The following ARFGAP1 variants were observed in gnomAD, a reference collection of about 807,000 sequenced individuals.
ARFGAP1 encodes the protein ARF GTPase activating protein 1.
A neutral mutation model predicts 54.0 loss-of-function variants in ARFGAP1; 26 were observed. The ratio of observed to expected loss-of-function variants is 0.48; its 90% CI spans 0.35 to 0.67. The LOEUF is 0.67. ARFGAP1 is among the 30% of genes least tolerant of loss of function. ARFGAP1 has a pLI of 0.00. For synonymous variants in ARFGAP1, 248 were observed against 211.9 expected, an observed-to-expected ratio of 1.17 and a Z score of -1.48; for missense variants, 525 against 535.8, an observed-to-expected ratio of 0.98 and a Z score of 0.20.
chr20:63,288,634 G>A lies in ARFGAP1; in HGVS notation c.*761G>A. The A allele has an allele frequency of 2.5e-6, 1 of 406,226 alleles. No homozygotes were observed. The highest frequency in any genetic ancestry group is 5.0e-6 in the Non-Finnish European group (1 of 200,226). 25.2% of individuals were successfully genotyped at this position (406,226 alleles called of 1,614,324 possible). A position where few individuals can be genotyped will look rare whatever the true frequency, so the allele number is the denominator to read the frequency against. ...GTGGGCCCTCGGCCCTGATGCAGGA[G>A]GGTGCGATAGCGGACGTGGCCAGGC... On this transcript the variant is annotated 3_prime_UTR_variant, in exon 13 of 13. Transcript: ENST00000370283.
At position 63,278,796 on chromosome 20, in the gene ARFGAP1, C is replaced by T. The variant is rs554367451; in HGVS notation, c.531-103C>T. ...TGTCCTGTGCGTGGGGACGTTGGCA[C>T]GTCCCCCAGAGCCCCAGCCTTGCCT... On this transcript the variant is annotated intron_variant, in intron 6 of 12. Transcript: ENST00000370283. The T allele has an allele frequency of 4.2e-5, 44 of 1,048,904 alleles. No homozygotes were observed. The East Asian group carries it at 4.7e-4, about 11-fold the overall frequency. The allele number at this position is 1,048,904 out of a possible 1,614,324, so 65.0% of individuals were successfully genotyped here. A position where few individuals can be genotyped will look rare whatever the true frequency, so the allele number is the denominator to read the frequency against.
chr20:63,285,911 C>A, intron 11 of ARFGAP1, 198 bp downstream of exon 11: 1 of 1,459,028 alleles, frequency 6.9e-7, no homozygotes, highest in South Asian at 1.3e-5. Flanking sequence ...GCGGCCCGGT[C>A]AGCCACTAAC....
At position 63,287,738 on chromosome 20, in the gene ARFGAP1, C is replaced by T. The variant is rs753040338; in HGVS notation, c.1086C>T (p.Asp362=). ...ADTSTERRSS[D]SWEVWGSAST... ...CCTCCACCGAGAGGAGGAGCTCGGACAGCTGGGAGGTGTGGGGCTCGGCCT... is the reference window on the plus strand; with the variant it reads ...CCTCCACCGAGAGGAGGAGCTCGGATAGCTGGGAGGTGTGGGGCTCGGCCT... The change falls in exon 13 of 13, where the codon GAC becomes GAT. Residue 362 remains aspartate, a synonymous_variant. Transcript: ENST00000370283. The T allele has an allele frequency of 2.5e-6, 4 of 1,610,950 alleles. No individual in the cohort carries two copies. Among genetic ancestry groups the T allele is most frequent in the African/African-American group, 2.7e-5 (2 of 74,824 alleles).
chr20:63,274,506 A>G (rs914034162), intron 1 of ARFGAP1, among the ~76,000 whole-genome samples: 2 of 152,080 alleles, frequency 1.3e-5, no homozygotes, highest in Non-Finnish European at 2.9e-5. Context: ...TCAGCAGTAC[A>G]CACGTGTGTA....
chr20:63,280,112 G>A (rs377118491), intron 7 of ARFGAP1, among the ~76,000 whole-genome samples: 5 of 151,936 alleles, frequency 3.3e-5, no homozygotes, highest in East Asian at 1.9e-4. Context: ...ATTGCACTCC[G>A]ACCTGGGCGA....
chr20:63,279,972 C>T (rs1287235127), intron 7 of ARFGAP1, among the ~76,000 whole-genome samples: 4 of 152,234 alleles, frequency 2.6e-5, no homozygotes, highest in East Asian at 3.9e-4. Flanking sequence ...AACCCCGTCT[C>T]TACTAAAAAA....
chr20:63,288,476 C>T lies in ARFGAP1; in HGVS notation c.*603C>T, dbSNP rs1209130503. 1.5e-5 allele frequency: 7 copies of T among 455,964 alleles called. No individual in the cohort carries two copies. The highest frequency in any genetic ancestry group is 2.6e-5 in the Non-Finnish European group (6 of 226,796). The allele number at this position is 455,964 out of a possible 1,614,324, so 28.2% of individuals were successfully genotyped here. The stretch of plus-strand genomic sequence containing the variant: ...GTAACCCTCTGTGGCTCCCCTGCAT[C>T]AGCACCGTCCCACCACCAAGTTCAC... On this transcript the variant is annotated 3_prime_UTR_variant, in exon 13 of 13. Coordinates refer to ENST00000370283, the MANE Select transcript of ARFGAP1 (RefSeq NM_018209.4).
chr20:63,278,117 A>G lies in ARFGAP1; in HGVS notation c.444A>G (p.Arg148=), dbSNP rs1185256708. ...ACCAGCCTTCGATTCTCGGTTTCAG[A>G]GTCTCTGGCCAGCCGCAGAGTGTGA... ...QPRTLPSMVH[R]VSGQPQSVTA... is the part of the protein sequence containing the mutation. Residue 148 remains arginine (R), a splice_region_variant and synonymous_variant, in exon 6 of 13, where the codon CGA becomes CGG. Transcript: ENST00000370283. 1.9e-6 allele frequency: 3 copies of G among 1,613,380 alleles called. No homozygotes were observed. Among genetic ancestry groups the G allele is most frequent in the Non-Finnish European group, 2.5e-6 (3 of 1,179,842 alleles).
intron 6 of ARFGAP1, 109 bp downstream of exon 6, chr20:63,278,312 C>A (rs901950603): frequency 8.0e-6 from 9 of 1,131,736 alleles, no homozygotes; most frequent in Non-Finnish European, 1.2e-5. Flanking sequence ...GGGTGTGGGA[C>A]CCAGGCATGC....
At chr20:63,285,198 C>A (rs1370654240) in intron 10 of ARFGAP1, among the ~76,000 whole-genome samples, 3 of 151,782 alleles carry the variant, frequency 2.0e-5, no homozygotes, top group Non-Finnish European at 4.4e-5. Context: ...CTACAGCTGG[C>A]CCCAGAGCCC....
At chr20:63,274,836 G>A (rs6090339) in intron 1 of ARFGAP1, among the ~76,000 whole-genome samples, 9,734 of 152,252 alleles carry the variant, frequency 0.064, 357 homozygotes, top group Middle Eastern at 0.099. Context: ...GTACTTTGCT[G>A]AAGCTAGGAG....
Position 63,277,277 on chromosome 20 carries a change from C to T in ARFGAP1, c.415C>T (p.Pro139Ser), listed in dbSNP as rs759967442. The T allele has an allele frequency of 1.4e-5, 22 of 1,612,914 alleles. No individual in the cohort carries two copies. The South Asian group carries it at 2.4e-4, about 18-fold the overall frequency. ...TGCCCAGAACTGGACCCCACCTCAG[C>T]CCAGGACGCTGCCGTCCATGGTGCA... is the stretch of plus-strand genomic sequence containing the variant. The part of the protein sequence containing the change: ...SPAQNWTPPQ[P>S]RTLPSMVHRV... Residue 139 changes from proline (P) to serine (S), a missense_variant, in exon 5 of 13, where the codon CCC (proline) becomes TCC (serine). Pro to Ser is a moderately conservative substitution (Grantham distance 74). Around this residue, in one of 3 missense-constraint regions of ARFGAP1, gnomAD observed 466 missense variants for 453.6 expected, o/e 1.03. Transcript: ENST00000370283.
intron 9 of ARFGAP1, 160 bp downstream of exon 9, chr20:63,283,011 C>T: frequency 1.3e-6 from 1 of 762,500 alleles, no homozygotes; most frequent in Non-Finnish European, 2.2e-6. Context: ...ATGCTGTTCC[C>T]CTCCTCATGC....
rs777881544 is a variant in ARFGAP1, at chr20:63,276,443, C to T, written c.171-37C>T. On this transcript the variant is annotated intron_variant, in intron 3 of 12. Transcript: ENST00000370283. The surrounding 1 kb of genome is among the most constrained non-coding windows in gnomAD (Gnocchi z 5.2). Reference sequence around the variant, plus strand: ...GGTGGAGGGTGTCCCTGGGTGTCCCCGGTGCTGGTTGATCTGCTCGATCCT... The same window carrying T: ...GGTGGAGGGTGTCCCTGGGTGTCCCTGGTGCTGGTTGATCTGCTCGATCCT... 5.0e-6 allele frequency: 8 copies of T among 1,586,752 alleles called. No individual in the cohort carries two copies. The highest frequency in any genetic ancestry group is 4.0e-5 in the African/African-American group (3 of 74,524).
intron 9 of ARFGAP1, chr20:63,283,658 G>T: frequency 3.6e-6 from 2 of 557,450 alleles, no homozygotes; most frequent in Non-Finnish European, 3.1e-6. Context: ...AGGTGCAGTC[G>T]CTCGCGCAGT....
chr20:63,281,166 G>T, intron 7 of ARFGAP1, 125 bp from the exon 8 acceptor site: 1 of 1,017,356 alleles, frequency 9.8e-7, no homozygotes, highest in South Asian at 1.5e-5. Context: ...GCGCGGTGGG[G>T]TCAGGATGGG....
rs372398412 is a variant in ARFGAP1, at chr20:63,277,319, G to A, written c.443+14G>A. The stretch of plus-strand genomic sequence containing the variant: ...CATGGTGCACCGGTAGCTGCTCCTC[G>A]TGGGGCCTTAGTACAGTTTCCACTG... On this transcript the variant is annotated intron_variant, in intron 5 of 12. Transcript: ENST00000370283. The A allele has an allele frequency of 9.2e-5, 148 of 1,608,350 alleles. No homozygotes were observed. The highest frequency in any genetic ancestry group is 1.2e-4 in the Non-Finnish European group (136 of 1,178,174).
chr20:63,283,008 TC>T (rs2067427206), intron 9 of ARFGAP1, 157 bp downstream of exon 9: 4 of 794,062 alleles, frequency 5.0e-6, no homozygotes, highest in African/African-American at 3.4e-5. Flanking sequence ...GCCATGCTGT[TC>T]CCCTCCTCAT....
intron 12 of ARFGAP1, among the ~76,000 whole-genome samples, chr20:63,287,283 T>C (rs953726143): frequency 5.9e-5 from 9 of 152,228 alleles, no homozygotes; most frequent in African/African-American, 2.2e-4. Context: ...ACCACTGTTT[T>C]ATTGCAGCAG....
Sources: gnomAD v4.1 joint callset for allele counts (sites outside exome capture counted in the v4.1 genomes callset) on GRCh38, gnomAD v4.1.1 for gene constraint, gnomAD v4.1.1 regional missense constraint, Gnocchi (gnomAD v3.1) non-coding constraint, MANE v1.5 for transcripts, NCBI Gene and HGNC (gene_info 2026-07-23, HGNC 2026-07-21) for gene names.